SLC9A4: variants seen among roughly 807,000 people sequenced by gnomAD.
SLC9A4 encodes the protein solute carrier family 9 member A4.
A neutral mutation model predicts 67.4 loss-of-function variants in SLC9A4; 63 were observed. That is an observed-to-expected ratio of 0.93 (90% CI 0.76 to 1.15). SLC9A4 has a LOEUF of 1.15. SLC9A4 is among the 50% of genes most tolerant of loss of function. SLC9A4 has a pLI of 0.00. For missense variants in SLC9A4, 1,089 were observed against 987.7 expected (o/e 1.10, Z -1.38); for synonymous variants, 393 against 367.2 (o/e 1.07, Z -0.80).
At position 102,495,715 on chromosome 2, in the gene SLC9A4, T is replaced by C. The variant is rs544633144; in HGVS notation, c.721-7733T>C. 2.0e-5 allele frequency among the ~76,000 whole-genome samples: 3 copies of C among 152,274 alleles called. No individual in the cohort carries two copies. In the East Asian group the frequency reaches 5.8e-4, roughly 29 times the overall value. On this transcript the variant is annotated intron_variant, in intron 2 of 11. Coordinates refer to ENST00000295269, the MANE Select transcript of SLC9A4 (RefSeq NM_001011552.4). ...GAGAGTTTAGAAATAGACTTACATA[T>C]ACATGGCCAATTAATTTTTGGCAAA...
At chr2:102,509,005 C>T (rs1483291161) in intron 6 of SLC9A4, 72 bp downstream of exon 6, 37 of 1,278,906 alleles carry the variant, frequency 2.9e-5, no homozygotes, top group South Asian at 6.6e-5. Context: ...GACATGTGCA[C>T]GTGTCACTAG....
At chr2:102,505,605 G>A (rs752707605) in intron 4 of SLC9A4, 134 bp downstream of exon 4, 53 of 775,668 alleles carry the variant, frequency 6.8e-5, no homozygotes, top group Non-Finnish European at 9.5e-5. Context: ...CTAGGAACCT[G>A]GTCGTGAGCA....
intron 8 of SLC9A4, 121 bp from the exon 9 acceptor site, chr2:102,519,738 A>G: frequency 1.3e-6 from 1 of 780,356 alleles, no homozygotes; most frequent in Non-Finnish European, 1.9e-6. Context: ...AGGAAAAATT[A>G]TATGTAGGAT....
At chr2:102,497,965 C>G (rs1438533948) in intron 2 of SLC9A4, among the ~76,000 whole-genome samples, 1 of 152,172 alleles carries the variant, frequency 6.6e-6, no homozygotes, top group Admixed American at 6.5e-5. Context: ...TTTACAGTGG[C>G]ATCAGCTAAA....
intron 1 of SLC9A4, among the ~76,000 whole-genome samples, chr2:102,477,746 A>G (rs1573324114): frequency 1.3e-5 from 2 of 152,310 alleles, no homozygotes; most frequent in Non-Finnish European, 2.9e-5. Flanking sequence ...TGAGAAGACA[A>G]GTAATAGGCC....
In SLC9A4 at chr2:102,505,287, C is replaced by T. The variant is rs765936170; in HGVS notation, c.1014C>T (p.Tyr338=). Reference sequence around the variant, plus strand: ...CCTGCGCAGTAACAATGAAAAAGTACGTGGAAGAAAACGTGTCCCAGACAT... The same window carrying T: ...CCTGCGCAGTAACAATGAAAAAGTATGTGGAAGAAAACGTGTCCCAGACAT... ...ITACAVTMKK[Y]VEENVSQTSY... Residue 338 remains tyrosine, a synonymous_variant, in exon 4 of 12, where the codon TAC becomes TAT. Coordinates refer to ENST00000295269, the MANE Select transcript of SLC9A4 (RefSeq NM_001011552.4). The T allele has an allele frequency of 2.7e-5, 43 of 1,613,742 alleles. 1 individual carries two copies. The highest frequency in any genetic ancestry group is 3.5e-5 in the Non-Finnish European group (41 of 1,179,754).
rs751250161 is a variant in SLC9A4, at chr2:102,478,830, G to A, written c.257-9G>A. On this transcript the variant is annotated splice_polypyrimidine_tract_variant and intron_variant, in intron 1 of 11. Transcript: ENST00000295269. ...TGCAAGCACCTAACTGCTCTTCGCT[G>A]TTCTGCAGGCTTCCACCTCTACCAC... 2 of 1,612,502 alleles carry A rather than the reference G, an allele frequency of 1.2e-6. No individual in the cohort carries two copies. Among genetic ancestry groups the A allele is most frequent in the Admixed American group, 3.3e-5 (2 of 59,972 alleles).
At chr2:102,511,699 T>A (rs1685166020) in intron 6 of SLC9A4, among the ~76,000 whole-genome samples, 1 of 152,074 alleles carries the variant, frequency 6.6e-6, no homozygotes, top group Non-Finnish European at 1.5e-5. Flanking sequence ...AACGAGCATA[T>A]TAAAATGAGA....
At chr2:102,492,579 CCTA>C (rs1684725958) in intron 2 of SLC9A4, among the ~76,000 whole-genome samples, 1 of 152,004 alleles carries the variant, frequency 6.6e-6, no homozygotes, top group Non-Finnish European at 1.5e-5. Flanking sequence ...CGTACCATGT[CCTA>C]AGGCTGCATA....
At chr2:102,483,839 T>TACACAC (rs1391182060) in intron 2 of SLC9A4, among the ~76,000 whole-genome samples, 337 of 127,682 alleles carry the variant, frequency 2.6e-3, no homozygotes, top group African/African-American at 8.4e-3. Context: ...TATATATATA[T>TACACAC]ATACACACAC....
intron 2 of SLC9A4, among the ~76,000 whole-genome samples, chr2:102,491,536 AC>A (rs1368587069): frequency 6.6e-6 from 1 of 151,964 alleles, no homozygotes; most frequent in African/African-American, 2.4e-5. Flanking sequence ...TTATAAAACC[AC>A]CAGATCTCAT....
At position 102,513,271 on chromosome 2, in the gene SLC9A4, A is replaced by AG. The variant is rs1045742162; in HGVS notation, c.1560-815dup. On this transcript the variant is annotated intron_variant, in intron 7 of 11. Transcript: ENST00000295269. ...TCAGGAAGCCAGCCCCTAACCCTGG[A>AG]GGGGCTTAGCACCTCACAGACCAGG... Among the ~76,000 whole-genome samples the AG allele has an allele frequency of 2.0e-5, 3 of 152,300 alleles. No homozygotes were observed. The East Asian group carries it at 5.8e-4, about 29-fold the overall frequency.
chr2:102,500,807 G>A (rs188191720), intron 2 of SLC9A4, among the ~76,000 whole-genome samples: 1 of 152,172 alleles, frequency 6.6e-6, no homozygotes, highest in Non-Finnish European at 1.5e-5. Context: ...CAAACGTGAG[G>A]CATTCTTTAG....
chr2:102,488,692 G>A (rs1167062907), intron 2 of SLC9A4, among the ~76,000 whole-genome samples: 2 of 152,112 alleles, frequency 1.3e-5, no homozygotes, highest in East Asian at 3.9e-4. Flanking sequence ...GGGACTAAAG[G>A]TGCCCACCAC....
intron 2 of SLC9A4, among the ~76,000 whole-genome samples, chr2:102,498,632 T>C (rs1186302257): frequency 6.9e-5 from 1 of 14,478 alleles, no homozygotes; most frequent in East Asian, 3.9e-4. Flanking sequence ...ACTCCAACAG[T>C]GCAATACTCA....
chr2:102,473,668 C>T lies in SLC9A4; in HGVS notation c.-92C>T, dbSNP rs17027255. On this transcript the variant is annotated 5_prime_UTR_variant, in exon 1 of 12. Coordinates refer to ENST00000295269, the MANE Select transcript of SLC9A4 (RefSeq NM_001011552.4). ...GACTGTACCTATATTACTTTTGACCCAGGTGGATGCAGTCACTCTCTAGAA... is the reference window on the plus strand; with the variant it reads ...GACTGTACCTATATTACTTTTGACCTAGGTGGATGCAGTCACTCTCTAGAA... 0.28 allele frequency: 424,610 copies of T among 1,508,006 alleles called. 61,355 individuals are homozygous for T. The highest frequency in any genetic ancestry group is 0.39 in the East Asian group (17,063 of 44,132). 93.4% of individuals were successfully genotyped at this position (1,508,006 alleles called of 1,614,324 possible).
At chr2:102,508,038 T>G in intron 4 of SLC9A4, 41 bp from the exon 5 acceptor site, 1 of 1,594,728 alleles carries the variant, frequency 6.3e-7, no homozygotes, top group Non-Finnish European at 8.6e-7. Flanking sequence ...TCTCTGCTCG[T>G]TCATGATCCT....
At chr2:102,505,500 C>T (rs1217415538) in intron 4 of SLC9A4, 29 bp downstream of exon 4, 8 of 1,598,260 alleles carry the variant, frequency 5.0e-6, no homozygotes, top group South Asian at 2.2e-5. Context: ...CCAGAGTCTC[C>T]GGTCCTGCTG....
chr2:102,475,363 C>T (rs542324957), intron 1 of SLC9A4, among the ~76,000 whole-genome samples: 7 of 152,354 alleles, frequency 4.6e-5, no homozygotes, highest in South Asian at 4.1e-4. Flanking sequence ...AACCTGGCTT[C>T]CTCTTCACAG....
Sources: allele counts gnomAD v4.1 joint callset (sites outside exome capture counted in the v4.1 genomes callset), GRCh38; gene constraint gnomAD v4.1.1; transcripts MANE v1.5; gene names NCBI Gene and HGNC (gene_info 2026-07-23, HGNC 2026-07-21).